Variants in CLVS1 observed in about 807,000 individuals in gnomAD.
The protein encoded by CLVS1 is clavesin 1.
Under a neutral mutation model 33.1 loss-of-function variants are expected in CLVS1, and 10 were observed. The ratio of observed to expected loss-of-function variants is 0.30; its 90% CI spans 0.19 to 0.51. CLVS1 has a LOEUF of 0.51. Among genes scored for constraint, CLVS1 ranks in the 20% least tolerant of loss-of-function variants. CLVS1 has a pLI of 0.97. For synonymous variants in CLVS1, 163 were observed against 166.1 expected (o/e 0.98, Z 0.14); for missense variants, 343 against 433.4 (o/e 0.79, Z 1.85).
intron 5 of CLVS1, among the ~76,000 whole-genome samples, chr8:61,460,051 C>T (rs190121074): frequency 3.3e-5 from 5 of 152,224 alleles, no homozygotes; most frequent in Non-Finnish European, 7.4e-5. Flanking sequence ...ACCTTAATTG[C>T]TTCTTTAAAA....
chr8:61,098,254 A>G (rs1334313629), intron 1 of CLVS1, among the ~76,000 whole-genome samples: 4 of 152,158 alleles, frequency 2.6e-5, no homozygotes, highest in Non-Finnish European at 4.4e-5. Context: ...CATGGTTTAC[A>G]TAAACCCTGG....
At chr8:61,012,755 C>T in the CLVS1 span, among the ~76,000 whole-genome samples, 1 of 152,182 alleles carries the variant, frequency 6.6e-6, no homozygotes, top group Non-Finnish European at 1.5e-5. Flanking sequence ...TCCATCATCA[C>T]CTGTCTTCAC....
intron 1 of CLVS1, among the ~76,000 whole-genome samples, chr8:61,074,971 A>G (rs1010583888): frequency 2.0e-5 from 3 of 152,000 alleles, no homozygotes; most frequent in African/African-American, 7.3e-5. Flanking sequence ...GAAATAGAAA[A>G]TCATCCTCCC....
intron 2 of CLVS1, among the ~76,000 whole-genome samples, chr8:61,162,114 G>A (rs1296810346): frequency 1.3e-5 from 2 of 152,072 alleles, no homozygotes; most frequent in Non-Finnish European, 2.9e-5. Context: ...GAGAAACTTT[G>A]TCCCAGGCCA....
intron 2 of CLVS1, among the ~76,000 whole-genome samples, chr8:61,325,296 A>G (rs887225994): frequency 2.0e-5 from 3 of 152,170 alleles, no homozygotes; most frequent in African/African-American, 4.8e-5. Context: ...TTCACAATGT[A>G]TACGTATATC....
chr8:60,983,062 G>A, the CLVS1 span, among the ~76,000 whole-genome samples: 2 of 152,230 alleles, frequency 1.3e-5, no homozygotes, highest in South Asian at 4.1e-4. Context: ...GAATTATTGA[G>A]GTCTCTTAAG....
At chr8:61,242,544 C>G (rs868034347) in intron 2 of CLVS1, among the ~76,000 whole-genome samples, 30 of 152,160 alleles carry the variant, frequency 2.0e-4, no homozygotes, top group African/African-American at 6.3e-4. Flanking sequence ...AATCCTAGCA[C>G]TCTGGAAGGC....
chr8:61,120,974 C>T (rs1032474529), intron 1 of CLVS1, among the ~76,000 whole-genome samples: 6 of 149,976 alleles, frequency 4.0e-5, no homozygotes, highest in East Asian at 2.0e-4. Context: ...CCCCCAGCCT[C>T]GCTGCCGCCT....
chr8:61,184,231 G>T (rs542963320), intron 2 of CLVS1, among the ~76,000 whole-genome samples: 1 of 152,178 alleles, frequency 6.6e-6, no homozygotes, highest in African/African-American at 2.4e-5. Context: ...CATGGAGAGC[G>T]GGGAGTCAGG....
At chr8:61,010,410 T>A in the CLVS1 span, among the ~76,000 whole-genome samples, 3 of 152,230 alleles carry the variant, frequency 2.0e-5, no homozygotes, top group Non-Finnish European at 4.4e-5. Flanking sequence ...AAGTTATAAG[T>A]ATGTTCCAAA....
chr8:61,386,589 G>A (rs1814094119), intron 3 of CLVS1, among the ~76,000 whole-genome samples: 2 of 152,278 alleles, frequency 1.3e-5, no homozygotes, highest in South Asian at 4.1e-4. Context: ...TCTCTGATGT[G>A]GGAATTTCTA....
At chr8:61,438,036 A>C (rs1319014817) in intron 3 of CLVS1, among the ~76,000 whole-genome samples, 1 of 152,146 alleles carries the variant, frequency 6.6e-6, no homozygotes, top group African/African-American at 2.4e-5. Context: ...AATTTTGTTT[A>C]ATTTTAAGTT....
At chr8:61,055,585 C>A (rs1387327898), upstream of CLVS1, among the ~76,000 whole-genome samples, 1 of 152,152 alleles carries the variant, frequency 6.6e-6, no homozygotes, top group Non-Finnish European at 1.5e-5. Flanking sequence ...GTTTCCCAAG[C>A]CCTTTCCATA....
intron 3 of CLVS1, among the ~76,000 whole-genome samples, chr8:61,414,317 T>C (rs1266090416): frequency 6.6e-6 from 1 of 152,040 alleles, no homozygotes; most frequent in Non-Finnish European, 1.5e-5. Flanking sequence ...AAGTTGGATA[T>C]GCCAGGGGAT....
intron 3 of CLVS1, among the ~76,000 whole-genome samples, chr8:61,405,695 G>A (rs1417895377): frequency 6.7e-6 from 1 of 150,340 alleles, no homozygotes; most frequent in Non-Finnish European, 1.5e-5. Context: ...ACTGATAAGT[G>A]GAACTGACTT....
At chr8:61,263,527 G>T (rs1030392951) in intron 2 of CLVS1, among the ~76,000 whole-genome samples, 5 of 152,152 alleles carry the variant, frequency 3.3e-5, no homozygotes, top group African/African-American at 1.2e-4. Context: ...TATAATCCAT[G>T]ATGTACTGAG....
rs370104175 is a variant in CLVS1, at chr8:61,074,202, G to A, written c.-243+16972G>A. On this transcript the variant is annotated intron_variant, in intron 1 of 2. Transcript: ENST00000522621. ...AAAATGCAAAAATTAGCTGGGTGTG[G>A]TGGTGCATGCCTGTAGTCCCAGCTA... is the stretch of plus-strand genomic sequence containing the variant. Among the ~76,000 whole-genome samples, 22 of 150,748 alleles carry A rather than the reference G, an allele frequency of 1.5e-4. No individual in the cohort carries two copies. In the East Asian group the frequency reaches 3.7e-3, roughly 25 times the overall value.
At chr8:61,181,549 GT>G (rs1391984753) in intron 2 of CLVS1, among the ~76,000 whole-genome samples, 1 of 152,082 alleles carries the variant, frequency 6.6e-6, no homozygotes, top group African/African-American at 2.4e-5. Flanking sequence ...AAAGAAGAAA[GT>G]TGAAGGCATC....
chr8:61,038,135 T>C, the CLVS1 span, among the ~76,000 whole-genome samples: 2 of 152,174 alleles, frequency 1.3e-5, no homozygotes, highest in African/African-American at 4.8e-5. Flanking sequence ...CTGACATTCC[T>C]GCAGCTCAGT....
Sources: gnomAD v4.1 joint callset for allele counts (sites outside exome capture counted in the v4.1 genomes callset) on GRCh38, gnomAD v4.1.1 for gene constraint, MANE v1.5 for transcripts, NCBI Gene and HGNC (gene_info 2026-07-23, HGNC 2026-07-21) for gene names.